DUSP10: variants seen among roughly 807,000 people sequenced by gnomAD.
The protein encoded by DUSP10 is dual specificity phosphatase 10, also known as dual specificity protein phosphatase 10.
A neutral mutation model predicts 30.8 loss-of-function variants in DUSP10; 14 were observed. That is an observed-to-expected ratio of 0.46 (90% confidence interval 0.30 to 0.71). The LOEUF (loss-of-function observed/expected upper bound fraction) is 0.71. Ranked by LOEUF, DUSP10 falls within the 30% of genes least tolerant of loss-of-function variation. DUSP10 has a pLI of 0.08. For synonymous variants in DUSP10, 254 were observed against 250.4 expected, an observed-to-expected ratio of 1.01 and a Z score of -0.14; for missense variants, 550 against 619.4, an observed-to-expected ratio of 0.89 and a Z score of 1.19.
chr1:221,720,776 G>C (rs561452851), intron 2 of DUSP10, among the ~76,000 whole-genome samples: 1 of 152,292 alleles, frequency 6.6e-6, no homozygotes, highest in South Asian at 2.1e-4. Flanking sequence ...GACCAGATGT[G>C]TTCTCAGAAA....
intron 3 of DUSP10, among the ~76,000 whole-genome samples, chr1:221,704,504 A>G (rs981295703): frequency 2.6e-5 from 4 of 152,210 alleles, no homozygotes; most frequent in Non-Finnish European, 5.9e-5. Context: ...TCATGTATCA[A>G]CCAGAAGTTC....
intron 2 of DUSP10, chr1:221,736,927 G>A: frequency 1.0e-6 from 1 of 985,422 alleles, no homozygotes; most frequent in Non-Finnish European, 1.2e-6. Context: ...GGCTGCCCAG[G>A]GCGCCCAGTG....
chr1:221,739,875 T>G, intron 1 of DUSP10, 88 bp from the exon 2 acceptor site: 1 of 1,355,184 alleles, frequency 7.4e-7, no homozygotes, highest in Admixed American at 3.0e-5. Flanking sequence ...GACCTTTGCA[T>G]CCCTCTGAGC....
At chr1:221,719,374 A>G (rs999154464) in intron 2 of DUSP10, among the ~76,000 whole-genome samples, 9 of 152,182 alleles carry the variant, frequency 5.9e-5, no homozygotes, top group African/African-American at 1.7e-4. Context: ...GCCATGTCCA[A>G]TGATCACACC....
In DUSP10 at chr1:221,702,400, T is replaced by A. The variant is rs769519756; in HGVS notation, c.*12A>T. ...TAATGGAGAGCAGCAATCCTTTCCATCCAGACCATTGTCACACAACCGTCT... is the reference window on the plus strand; with the variant it reads ...TAATGGAGAGCAGCAATCCTTTCCAACCAGACCATTGTCACACAACCGTCT... On this transcript the variant is annotated 3_prime_UTR_variant, in exon 4 of 4. Transcript: ENST00000366899. This position sits in a 1 kb window ranked among gnomAD's most constrained non-coding sequence, Gnocchi z 4.5. 6.2e-7 allele frequency: 1 copy of A among 1,612,972 alleles called. No homozygotes were observed. Among genetic ancestry groups the A allele is most frequent in the Non-Finnish European group, 8.5e-7 (1 of 1,179,586 alleles).
Position 221,706,343 on chromosome 1 carries a change from G to A in DUSP10, c.935C>T (p.Pro312Leu), listed in dbSNP as rs1558115982. 1.2e-6 allele frequency: 2 copies of A among 1,611,250 alleles called. No individual in the cohort carries two copies. Among genetic ancestry groups the A allele is most frequent in the East Asian group, 4.5e-5 (2 of 44,812 alleles). Residue 312 changes from proline (P) to leucine (L), a missense_variant, in exon 3 of 4, where the codon CCC (proline) becomes CTC (leucine). By Grantham distance (98) the Pro-to-Leu change is moderately conservative. Transcript: ENST00000366899. This position sits in a 1 kb window ranked among gnomAD's most constrained non-coding sequence, Gnocchi z 4.6. Reference sequence around the variant, plus strand: ...AGCGTTCTCGATGTCAGGGGTGGTGGGGATGGGCTGAGGTAGCAAGCTCGA... The same window carrying A: ...AGCGTTCTCGATGTCAGGGGTGGTGAGGATGGGCTGAGGTAGCAAGCTCGA... ...AASSLLPQPI[P>L]TTPDIENAEL... is the part of the protein sequence containing the mutation.
chr1:221,706,294 G>C lies in DUSP10; in HGVS notation c.984C>G (p.Phe328Leu), dbSNP rs777415625. The change falls in exon 3 of 4, where the codon TTC (phenylalanine) becomes TTG (leucine). Residue 328 changes from phenylalanine to leucine, a missense_variant. Physicochemically the swap from Phe to Leu is conservative, Grantham distance 22. Coordinates refer to ENST00000366899, the MANE Select transcript of DUSP10 (RefSeq NM_007207.6). The surrounding 1 kb of genome is among the most constrained non-coding windows in gnomAD (Gnocchi z 4.6). ...CATCCTGCTCATTGCCAAGGAACAG[G>C]AAGGGCAAGATGGGGGTGAGCTCAG... is the stretch of plus-strand genomic sequence containing the variant. ...ENAELTPILP[F>L]LFLGNEQDAQ... The C allele has an allele frequency of 6.2e-7, 1 of 1,614,228 alleles. No homozygotes were observed. The highest frequency in any genetic ancestry group is 1.3e-5 in the African/African-American group (1 of 75,064).
At chr1:221,733,520 C>T (rs1661676684) in intron 2 of DUSP10, among the ~76,000 whole-genome samples, 1 of 152,220 alleles carries the variant, frequency 6.6e-6, no homozygotes, top group South Asian at 2.1e-4. Flanking sequence ...AACAGGCTCC[C>T]ACAGTACTGT....
intron 2 of DUSP10, chr1:221,737,368 T>C (rs1209500691): frequency 1.0e-6 from 1 of 985,280 alleles, no homozygotes; most frequent in African/African-American, 1.7e-5. Context: ...TCGGTAGGAT[T>C]TTCTCATTTG....
chr1:221,710,950 G>T (rs1241840259), intron 2 of DUSP10, among the ~76,000 whole-genome samples: 1 of 152,090 alleles, frequency 6.6e-6, no homozygotes, highest in East Asian at 1.9e-4. Context: ...GCAAGGCGGG[G>T]TGGGGGGGCA....
intron 2 of DUSP10, chr1:221,736,900 T>C (rs1175209424): frequency 6.1e-6 from 6 of 985,264 alleles, no homozygotes; most frequent in African/African-American, 3.5e-5. Context: ...AACTCGAAAA[T>C]GACGAGGCCT....
chr1:221,737,468 A>G, intron 2 of DUSP10: 1 of 985,292 alleles, frequency 1.0e-6, no homozygotes, highest in Non-Finnish European at 1.2e-6. Flanking sequence ...AAGAATACAG[A>G]AACAATAAAA....
At chr1:221,719,649 C>A (rs114996548) in intron 2 of DUSP10, among the ~76,000 whole-genome samples, 1 of 152,168 alleles carries the variant, frequency 6.6e-6, no homozygotes, top group African/African-American at 2.4e-5. Context: ...ACCTGGGGCA[C>A]GCAGAATGAA....
At chr1:221,733,942 G>A (rs771609458) in intron 2 of DUSP10, among the ~76,000 whole-genome samples, 5 of 152,338 alleles carry the variant, frequency 3.3e-5, no homozygotes, top group Middle Eastern at 3.4e-3. Context: ...GTACCCAAAA[G>A]CTCAGAGAGA....
At chr1:221,741,651 T>A (rs1388149097) in intron 1 of DUSP10, among the ~76,000 whole-genome samples, 1 of 150,528 alleles carries the variant, frequency 6.6e-6, no homozygotes, top group Non-Finnish European at 1.5e-5. Flanking sequence ...GCTTCACTCC[T>A]CGGCACACAG....
chr1:221,736,554 G>A (rs758131083), intron 2 of DUSP10, among the ~76,000 whole-genome samples: 5 of 152,166 alleles, frequency 3.3e-5, no homozygotes, highest in Non-Finnish European at 7.3e-5. Flanking sequence ...GAAGTCTGCT[G>A]GTCATGCCTT....
intron 2 of DUSP10, among the ~76,000 whole-genome samples, chr1:221,716,591 C>T (rs1019971280): frequency 2.0e-5 from 3 of 152,132 alleles, no homozygotes; most frequent in African/African-American, 7.2e-5. Flanking sequence ...AAAATGCCAA[C>T]TAAAGAAAAT....
chr1:221,729,166 C>T (rs910906302), intron 2 of DUSP10, among the ~76,000 whole-genome samples: 1 of 152,176 alleles, frequency 6.6e-6, no homozygotes, highest in African/African-American at 2.4e-5. Flanking sequence ...TTGTTTTGCT[C>T]AAATTTTTAT....
At chr1:221,730,651 T>A (rs1661561479) in intron 2 of DUSP10, among the ~76,000 whole-genome samples, 1 of 152,234 alleles carries the variant, frequency 6.6e-6, no homozygotes, top group South Asian at 2.1e-4. Flanking sequence ...TTTGCCAGAT[T>A]CAGAGAATAG....
Sources: gnomAD v4.1 joint callset for allele counts (sites outside exome capture counted in the v4.1 genomes callset) on GRCh38, gnomAD v4.1.1 for gene constraint, Gnocchi (gnomAD v3.1) non-coding constraint, MANE v1.5 for transcripts, NCBI Gene and HGNC (gene_info 2026-07-23, HGNC 2026-07-21) for gene names.